Variants in EPHB1 observed in about 807,000 individuals in gnomAD.
The protein encoded by EPHB1 is EPH receptor B1.
In EPHB1, 30 loss-of-function variants were observed where a neutral mutation model predicts 94.4. That is an observed-to-expected ratio of 0.32 (90% confidence interval 0.24 to 0.43). EPHB1 has a LOEUF of 0.43. Ranked by LOEUF, EPHB1 falls within the 20% of genes least tolerant of loss-of-function variation. The pLI is 1.00. For missense variants in EPHB1, 1,055 were observed against 1,308.3 expected, an observed-to-expected ratio of 0.81 and a Z score of 2.99; for synonymous variants, 522 against 489.1, an observed-to-expected ratio of 1.07 and a Z score of -0.89.
intron 1 of EPHB1, among the ~76,000 whole-genome samples, chr3:134,876,825 C>G (rs1471668394): frequency 6.6e-6 from 1 of 152,148 alleles, no homozygotes; most frequent in African/African-American, 2.4e-5. Flanking sequence ...AAGGGGCTGT[C>G]AATCCAGGGC....
intron 1 of EPHB1, among the ~76,000 whole-genome samples, chr3:134,828,898 C>T (rs1322463713): frequency 2.6e-5 from 4 of 152,156 alleles, no homozygotes; most frequent in East Asian, 1.9e-4. Flanking sequence ...TGCAGGGTCC[C>T]GTCCCTGGAC....
In EPHB1 at chr3:134,795,279, T is replaced by TC. The variant is rs535933590; in HGVS notation, c.-350dup. 50 of 392,468 alleles carry TC rather than the reference T, an allele frequency of 1.3e-4. No individual in the cohort carries two copies. The highest frequency in any genetic ancestry group is 9.7e-4 in the African/African-American group (46 of 47,528). 24.3% of individuals were successfully genotyped at this position (392,468 alleles called of 1,614,324 possible). On this transcript the variant is annotated 5_prime_UTR_variant, in exon 1 of 16. Transcript: ENST00000398015. ...CGCGTCAGTCTGGCCGGCTCCGTCC[T>TC]CCCGTAGGCTCCGCTGTAGCTAGCA...
At chr3:135,000,790 C>T (rs897923317) in intron 3 of EPHB1, among the ~76,000 whole-genome samples, 3 of 152,094 alleles carry the variant, frequency 2.0e-5, no homozygotes, top group Non-Finnish European at 4.4e-5. Flanking sequence ...CTATTTCACC[C>T]CAAGAAGATA....
At chr3:135,026,489 GT>G (rs1385990346) in intron 3 of EPHB1, among the ~76,000 whole-genome samples, 11 of 149,354 alleles carry the variant, frequency 7.4e-5, no homozygotes, top group Admixed American at 1.3e-4. Context: ...CCCATTGCTT[GT>G]TTTTCTCAGG....
rs112883736 is a variant in EPHB1 at position 134,996,714 on chromosome 3, G to A, written c.805+44662G>A. Reference sequence around the variant, plus strand: ...TTTGTTAGTCTGATAGCTGAAAAACGTTAAATCTTAGTTATATTAATTTGG... The same window carrying A: ...TTTGTTAGTCTGATAGCTGAAAAACATTAAATCTTAGTTATATTAATTTGG... On this transcript the variant is annotated intron_variant, in intron 3 of 15. Transcript: ENST00000398015. Among the ~76,000 whole-genome samples the A allele has an allele frequency of 1.7e-4, 26 of 151,890 alleles. No individual in the cohort carries two copies. The East Asian group carries it at 2.1e-3, about 12-fold the overall frequency.
intron 1 of EPHB1, among the ~76,000 whole-genome samples, chr3:134,898,802 C>G (rs1385515983): frequency 6.6e-6 from 1 of 152,156 alleles, no homozygotes; most frequent in Non-Finnish European, 1.5e-5. Flanking sequence ...GGGAGCTCAG[C>G]TTTCAGGCCT....
chr3:134,795,513 G>A lies in EPHB1; in HGVS notation c.-119G>A. 3.1e-6 allele frequency: 3 copies of A among 970,826 alleles called. No individual in the cohort carries two copies. Among genetic ancestry groups the A allele is most frequent in the Non-Finnish European group, 3.0e-6 (2 of 660,174 alleles). 60.1% of individuals were successfully genotyped at this position (970,826 alleles called of 1,614,324 possible). ...GCGCTCCGGGAAGTCCGGTCCGGGC[G>A]AGAGCGCGAAAGGATACCGAGAAGC... On this transcript the variant is annotated 5_prime_UTR_variant, in exon 1 of 16. Coordinates refer to ENST00000398015, the MANE Select transcript of EPHB1 (RefSeq NM_004441.5).
chr3:135,242,553 T>C (rs1943812506), intron 13 of EPHB1, among the ~76,000 whole-genome samples: 1 of 152,046 alleles, frequency 6.6e-6, no homozygotes, highest in Non-Finnish European at 1.5e-5. Flanking sequence ...ATGGGCAGAG[T>C]GGCTCCAGCC....
chr3:134,919,927 C>A (rs1033639134), intron 1 of EPHB1, among the ~76,000 whole-genome samples: 3 of 152,008 alleles, frequency 2.0e-5, no homozygotes, highest in Non-Finnish European at 4.4e-5. Flanking sequence ...GTGGTCTCTG[C>A]GCTTTCAACA....
intron 3 of EPHB1, among the ~76,000 whole-genome samples, chr3:135,024,484 G>C (rs935366379): frequency 6.6e-6 from 1 of 152,030 alleles, no homozygotes; most frequent in South Asian, 2.1e-4. Context: ...TTAGAAACAC[G>C]GATGGACATC....
chr3:135,218,217 T>A (rs901647766), intron 12 of EPHB1, among the ~76,000 whole-genome samples: 2 of 152,114 alleles, frequency 1.3e-5, no homozygotes, highest in Non-Finnish European at 2.9e-5. Flanking sequence ...CCCCTGGAAA[T>A]TCTGCTCTAA....
At chr3:134,890,260 G>C (rs976222602) in intron 1 of EPHB1, among the ~76,000 whole-genome samples, 1 of 152,132 alleles carries the variant, frequency 6.6e-6, no homozygotes, top group South Asian at 2.1e-4. Flanking sequence ...TATATAAATG[G>C]TATTATGTGA....
At chr3:135,031,416 C>T (rs1257214550) in intron 3 of EPHB1, among the ~76,000 whole-genome samples, 1 of 152,166 alleles carries the variant, frequency 6.6e-6, no homozygotes, top group East Asian at 1.9e-4. Context: ...CTCAAATAAT[C>T]CTCCTGCCTC....
At chr3:135,005,646 G>A (rs565899922) in intron 3 of EPHB1, among the ~76,000 whole-genome samples, 1 of 152,362 alleles carries the variant, frequency 6.6e-6, no homozygotes, top group East Asian at 1.9e-4. Flanking sequence ...CCAGGTGCGG[G>A]ATATAATCTC....
intron 2 of EPHB1, among the ~76,000 whole-genome samples, chr3:134,926,381 G>A (rs191601751): frequency 2.0e-5 from 3 of 152,330 alleles, no homozygotes; most frequent in East Asian, 1.9e-4. Context: ...GGGAACCAGT[G>A]TGTGGCACTG....
At chr3:134,929,054 G>C (rs538243506) in intron 2 of EPHB1, among the ~76,000 whole-genome samples, 1 of 152,314 alleles carries the variant, frequency 6.6e-6, no homozygotes, top group African/African-American at 2.4e-5. Flanking sequence ...TCAGTAGGAG[G>C]TGGGCAGTAG....
At chr3:134,828,561 C>T (rs1384537579) in intron 1 of EPHB1, among the ~76,000 whole-genome samples, 2 of 152,150 alleles carry the variant, frequency 1.3e-5, no homozygotes, top group African/African-American at 4.8e-5. Flanking sequence ...AATTACTGCC[C>T]CAGGGTCAGG....
intron 1 of EPHB1, among the ~76,000 whole-genome samples, chr3:134,870,692 T>G (rs2037481708): frequency 6.6e-6 from 1 of 152,254 alleles, no homozygotes; most frequent in African/African-American, 2.4e-5. Flanking sequence ...AGCCACAGGC[T>G]GAATAGACTC....
chr3:135,207,992 A>G (rs1942942222), intron 12 of EPHB1, among the ~76,000 whole-genome samples: 1 of 152,080 alleles, frequency 6.6e-6, no homozygotes, highest in African/African-American at 2.4e-5. Context: ...ATATCACCCA[A>G]TTGGGGATTA....
Sources: allele counts gnomAD v4.1 joint callset (sites outside exome capture counted in the v4.1 genomes callset), GRCh38; gene constraint gnomAD v4.1.1; transcripts MANE v1.5; gene names NCBI Gene and HGNC (gene_info 2026-07-23, HGNC 2026-07-21).